The following SH3BP5 variants were observed in gnomAD, a reference collection of about 807,000 sequenced individuals.
The protein encoded by SH3BP5 is SH3 domain binding protein 5.
A neutral mutation model predicts 43.3 loss-of-function variants in SH3BP5; 22 were observed. The observed-to-expected ratio is 0.51, with a 90% CI of 0.36 to 0.73. The LOEUF is 0.73. Ranked by LOEUF, SH3BP5 falls within the 30% of genes least tolerant of loss-of-function variation. SH3BP5 has a pLI of 0.00. For missense variants in SH3BP5, 529 were observed against 586.9 expected (o/e 0.90, Z 1.02); for synonymous variants, 255 against 225.8 (o/e 1.13, Z -1.16).
chr3:15,286,583 T>C (rs1024767609), intron 3 of SH3BP5, among the ~76,000 whole-genome samples: 3 of 152,264 alleles, frequency 2.0e-5, no homozygotes, highest in Admixed American at 2.0e-4. Context: ...GGTCTCACTC[T>C]GTCGCCCAGG....
chr3:15,273,045 C>G, intron 3 of SH3BP5: 1 of 774,902 alleles, frequency 1.3e-6, no homozygotes, highest in Non-Finnish European at 1.6e-6. Flanking sequence ...CTGCTGGGAA[C>G]GAGAGGAAGC....
chr3:15,314,182 G>C (rs113260896), intron 2 of SH3BP5, among the ~76,000 whole-genome samples: 6 of 151,862 alleles, frequency 4.0e-5, no homozygotes, highest in Non-Finnish European at 8.8e-5. Flanking sequence ...GCCAGGGCTG[G>C]AGTGCAGTGG....
At position 15,256,922 on chromosome 3, in the gene SH3BP5, T is replaced by A. The variant is rs749540320; in HGVS notation, c.1081A>T (p.Met361Leu). 6.2e-7 allele frequency: 1 copy of A among 1,614,124 alleles called. No individual in the cohort carries two copies. Among genetic ancestry groups the A allele is most frequent in the Non-Finnish European group, 8.5e-7 (1 of 1,179,992 alleles). Residue 361 changes from methionine (M) to leucine (L), a missense_variant, in exon 8 of 9, where the codon ATG (methionine) becomes TTG (leucine). This residue lies in a region of SH3BP5 where 369 missense variants were observed against 384.3 expected (regional missense o/e 0.96). Transcript: ENST00000383791. The stretch of plus-strand genomic sequence containing the variant: ...CTTCGAGGGCCCAACACTGGGAACA[T>A]CATCCCAAACTCTGACAGGGACACA... Reference protein sequence around the residue: ...SPVSLSEFGMMFPVLGPRSEC... With the variant: ...SPVSLSEFGMLFPVLGPRSEC...
chr3:15,315,212 T>G (rs1236149789), intron 2 of SH3BP5, among the ~76,000 whole-genome samples: 1 of 151,748 alleles, frequency 6.6e-6, no homozygotes, highest in East Asian at 1.9e-4. Flanking sequence ...CAGGGCCAAC[T>G]GAAACATGTG....
intron 5 of SH3BP5, chr3:15,260,641 G>C (rs1351763377): frequency 6.6e-6 from 1 of 152,216 alleles, no homozygotes; most frequent in Non-Finnish European, 1.5e-5. Flanking sequence ...TCTCTCGTGT[G>C]ACCAAAAGGA....
At position 15,258,845 on chromosome 3, in the gene SH3BP5, G is replaced by A; in HGVS notation, c.875C>T (p.Pro292Leu). The A allele has an allele frequency of 1.9e-6, 3 of 1,613,938 alleles. No homozygotes were observed. Among genetic ancestry groups the A allele is most frequent in the Non-Finnish European group, 2.5e-6 (3 of 1,179,968 alleles). ...VEDLPGSKPE[P>L]DAISVASEAF... ...CCCTGACTTACCAGAAATGGCATCA[G>A]GCTCAGGTTTGCTCCCTGGCAGATC... Residue 292 changes from proline (P) to leucine (L), a missense_variant, in exon 7 of 9, where the codon CCT becomes CTT. Transcript: ENST00000383791.
chr3:15,265,383 G>T (rs930653049), intron 4 of SH3BP5, among the ~76,000 whole-genome samples: 1 of 152,114 alleles, frequency 6.6e-6, no homozygotes, highest in Non-Finnish European at 1.5e-5. Flanking sequence ...GGGTGTGGTG[G>T]TTGGTGCCTG....
At chr3:15,341,059 TAATA>T (rs1001021786) in intron 1 of SH3BP5, among the ~76,000 whole-genome samples, 14 of 152,020 alleles carry the variant, frequency 9.2e-5, no homozygotes, top group African/African-American at 3.4e-4. Flanking sequence ...CCTCAAAAAA[TAATA>T]AATAAATAAA....
intron 3 of SH3BP5, among the ~76,000 whole-genome samples, chr3:15,280,811 C>A (rs1417043403): frequency 6.6e-6 from 1 of 152,152 alleles, no homozygotes; most frequent in Non-Finnish European, 1.5e-5. Flanking sequence ...TGCCTTTGTC[C>A]CCCACCTACA....
intron 2 of SH3BP5, among the ~76,000 whole-genome samples, chr3:15,321,668 G>A (rs1217932970): frequency 6.6e-6 from 1 of 151,852 alleles, no homozygotes; most frequent in African/African-American, 2.4e-5. Flanking sequence ...TAACATCTGA[G>A]GGTACATTTT....
intron 3 of SH3BP5, among the ~76,000 whole-genome samples, chr3:15,274,831 G>A (rs756733071): frequency 6.6e-6 from 1 of 152,168 alleles, no homozygotes; most frequent in Non-Finnish European, 1.5e-5. Flanking sequence ...CAGGGTTGCA[G>A]GTGTGAGCCG....
At chr3:15,293,560 C>T (rs1227301774) in intron 3 of SH3BP5, among the ~76,000 whole-genome samples, 1 of 152,196 alleles carries the variant, frequency 6.6e-6, no homozygotes, top group Admixed American at 6.5e-5. Flanking sequence ...GAAATAACTG[C>T]ACCAATGAGC....
At chr3:15,331,416 AT>A (rs559590292) in intron 1 of SH3BP5, among the ~76,000 whole-genome samples, 9 of 152,188 alleles carry the variant, frequency 5.9e-5, no homozygotes, top group African/African-American at 2.2e-4. Flanking sequence ...CTTAAAAGCA[AT>A]TTTTTTAAAA....
upstream of SH3BP5, chr3:15,332,703 CA>C: frequency 9.1e-7 from 1 of 1,096,722 alleles, no homozygotes; most frequent in Non-Finnish European, 1.1e-6. Context: ...GTCTCCGTCG[CA>C]AAACCCCAGC....
chr3:15,261,136 A>G (rs1242898754), intron 5 of SH3BP5, among the ~76,000 whole-genome samples: 3 of 152,244 alleles, frequency 2.0e-5, no homozygotes, highest in Non-Finnish European at 4.4e-5. Context: ...GAAAAATGCC[A>G]TATACACGTC....
At chr3:15,314,367 T>TC (rs1698134177) in intron 2 of SH3BP5, among the ~76,000 whole-genome samples, 1 of 152,040 alleles carries the variant, frequency 6.6e-6, no homozygotes, top group South Asian at 2.1e-4. Context: ...ATGCCTTCCC[T>TC]CCCGCCTCTG....
chr3:15,323,956 G>T (rs1014348291), intron 2 of SH3BP5, among the ~76,000 whole-genome samples: 2 of 152,148 alleles, frequency 1.3e-5, no homozygotes, highest in Admixed American at 6.5e-5. Context: ...AGCAGTATGG[G>T]GGGACCACTG....
intron 2 of SH3BP5, among the ~76,000 whole-genome samples, chr3:15,315,883 C>G (rs1249084179): frequency 1.3e-5 from 2 of 152,186 alleles, no homozygotes; most frequent in East Asian, 1.9e-4. Flanking sequence ...CACCATGCCC[C>G]TTTACCCTGA....
chr3:15,262,289 C>T lies in SH3BP5; in HGVS notation c.496G>A (p.Val166Ile). The change falls in exon 5 of 9, where the codon GTC becomes ATC. Residue 166 changes from valine (V) to isoleucine (I), a missense_variant and splice_region_variant. Physicochemically the swap from Val to Ile is conservative, Grantham distance 29. Around this residue, in one of 3 missense-constraint regions of SH3BP5, gnomAD observed 369 missense variants for 384.3 expected, o/e 0.96. Coordinates refer to ENST00000383791, the MANE Select transcript of SH3BP5 (RefSeq NM_004844.5). ...GTCTTGGTCTGCTCCGCCTCCATGA[C>T]CTTAAAATGACAGCAGAGTTCAGCC... ...QEMLNHATQR[V>I]MEAEQTKTRS... 6.2e-7 allele frequency: 1 copy of T among 1,614,114 alleles called. No homozygotes were observed. The highest frequency in any genetic ancestry group is 8.5e-7 in the Non-Finnish European group (1 of 1,180,002).
Sources: gnomAD v4.1 joint callset for allele counts (sites outside exome capture counted in the v4.1 genomes callset) on GRCh38, gnomAD v4.1.1 for gene constraint, gnomAD v4.1.1 regional missense constraint, MANE v1.5 for transcripts, NCBI Gene and HGNC (gene_info 2026-07-23, HGNC 2026-07-21) for gene names.